GDAP1: variants seen among roughly 807,000 people sequenced by gnomAD.
The protein encoded by GDAP1 is ganglioside induced differentiation associated protein 1.
Under a neutral mutation model 40.1 loss-of-function variants are expected in GDAP1, and 34 were observed. The ratio of observed to expected loss-of-function variants is 0.85; its 90% CI spans 0.64 to 1.13. GDAP1 has a LOEUF of 1.13. Among genes scored for constraint, GDAP1 ranks in the 50% most tolerant of loss-of-function variants. The pLI is 0.00. For synonymous variants in GDAP1, 170 were observed against 157.4 expected (o/e 1.08, Z -0.60); for missense variants, 374 against 433.7 (o/e 0.86, Z 1.22).
At chr8:74,437,934 T>C (rs1024656973) in intron 2 of GDAP1, among the ~76,000 whole-genome samples, 2 of 152,174 alleles carry the variant, frequency 1.3e-5, no homozygotes, top group Admixed American at 1.3e-4. Context: ...ACATGTGCAC[T>C]TGTCCACATG....
At chr8:74,476,820 T>C (rs1009716870) in intron 2 of GDAP1, among the ~76,000 whole-genome samples, 3 of 152,232 alleles carry the variant, frequency 2.0e-5, no homozygotes, top group Non-Finnish European at 2.9e-5. Flanking sequence ...TGAACTTGAA[T>C]ATTTGCCATT....
At chr8:74,394,326 G>A (rs543842690) in intron 2 of GDAP1, among the ~76,000 whole-genome samples, 1 of 152,326 alleles carries the variant, frequency 6.6e-6, no homozygotes, top group Admixed American at 6.5e-5. Flanking sequence ...AATTGTGGGA[G>A]TTAAATTCAA....
chr8:74,397,985 T>C (rs1810239295), intron 2 of GDAP1, among the ~76,000 whole-genome samples: 1 of 151,932 alleles, frequency 6.6e-6, no homozygotes. Context: ...TTCCTACCCA[T>C]GAGCATGGAA....
intron 2 of GDAP1, among the ~76,000 whole-genome samples, chr8:74,376,412 G>A (rs1008123315): frequency 9.4e-5 from 14 of 148,878 alleles, no homozygotes; most frequent in African/African-American, 3.2e-4. Flanking sequence ...GCAGTGGCGC[G>A]ATCTTGGCTG....
intron 2 of GDAP1, among the ~76,000 whole-genome samples, chr8:74,432,970 C>T (rs1252329013): frequency 6.6e-6 from 1 of 152,148 alleles, no homozygotes; most frequent in Non-Finnish European, 1.5e-5. Flanking sequence ...TTTCTGACAT[C>T]ATATCTTATG....
rs1805870608 is a variant in GDAP1, at chr8:74,422,284, CTTTTCTTTCTTTCTTT to C, written c.166-66393_166-66378del. On this transcript the variant is annotated intron_variant, in intron 2 of 2. Transcript: ENST00000523640. ...TTCTTTTTCTTTTCTTTTCTTTTTT[CTTTTCTTTCTTTCTTT>C]CTTTCTTTCTTTCTTTCTTTCTTTC... is the stretch of plus-strand genomic sequence containing the variant. 6.8e-5 allele frequency among the ~76,000 whole-genome samples: 6 copies of C among 88,104 alleles called. 1 individual carries two copies. In the Middle Eastern group the frequency reaches 0.032, roughly 471 times the overall value. The allele number at this position is 88,104 out of a possible 152,430, so 57.8% of individuals were successfully genotyped here. A position where few individuals can be genotyped will look rare whatever the true frequency, so the allele number is the denominator to read the frequency against.
At chr8:74,383,768 G>A (rs1377191784) in intron 2 of GDAP1, among the ~76,000 whole-genome samples, 1 of 152,216 alleles carries the variant, frequency 6.6e-6, no homozygotes, top group East Asian at 1.9e-4. Flanking sequence ...TATCAGGTTT[G>A]GTTTTTAGCT....
chr8:74,397,291 TC>T (rs1810224675), intron 2 of GDAP1, among the ~76,000 whole-genome samples: 1 of 151,908 alleles, frequency 6.6e-6, no homozygotes, highest in African/African-American at 2.4e-5. Context: ...AAAAATTTTC[TC>T]CCATTTTGTA....
intron 2 of GDAP1, among the ~76,000 whole-genome samples, chr8:74,395,603 T>C (rs943395995): frequency 6.6e-6 from 1 of 152,190 alleles, no homozygotes; most frequent in African/African-American, 2.4e-5. Flanking sequence ...TGAGTGACAC[T>C]AGCGCATTGC....
At chr8:74,357,446 A>G (rs1232288196) in intron 2 of GDAP1, among the ~76,000 whole-genome samples, 3 of 152,222 alleles carry the variant, frequency 2.0e-5, no homozygotes, top group Non-Finnish European at 2.9e-5. Flanking sequence ...TTGAGAATGT[A>G]GAGGCCCATT....
chr8:74,398,082 A>T (rs1256486751), intron 2 of GDAP1, among the ~76,000 whole-genome samples: 1 of 151,634 alleles, frequency 6.6e-6, no homozygotes, highest in African/African-American at 2.4e-5. Context: ...GTCCCTTGTA[A>T]GCTGGATTCC....
intron 2 of GDAP1, among the ~76,000 whole-genome samples, chr8:74,472,760 T>TTTTCG (rs1806575398): frequency 7.8e-6 from 1 of 128,654 alleles, no homozygotes; most frequent in African/African-American, 2.8e-5. Context: ...TTTTCTTTTC[T>TTTTCG]TTTTTGAGAG....
At chr8:74,446,040 A>G (rs1806222174) in intron 2 of GDAP1, among the ~76,000 whole-genome samples, 1 of 152,146 alleles carries the variant, frequency 6.6e-6, no homozygotes, top group South Asian at 2.1e-4. Context: ...TTTCAAATAA[A>G]TCTGCCCAAC....
At chr8:74,357,537 T>C (rs76684470) in intron 2 of GDAP1, among the ~76,000 whole-genome samples, 2,368 of 152,346 alleles carry the variant, frequency 0.016, 30 homozygotes, top group Non-Finnish European at 0.022. Context: ...TCCTCTGCTG[T>C]TTATCAAATC....
At chr8:74,460,597 A>T (rs1200935946) in intron 2 of GDAP1, among the ~76,000 whole-genome samples, 1 of 152,198 alleles carries the variant, frequency 6.6e-6, no homozygotes. Context: ...ACTGAACAGC[A>T]GGAACAGAAA....
At chr8:74,397,356 T>C (rs1209912908) in intron 2 of GDAP1, among the ~76,000 whole-genome samples, 5 of 152,276 alleles carry the variant, frequency 3.3e-5, no homozygotes, top group African/African-American at 9.6e-5. Flanking sequence ...AGCTCTTTAG[T>C]TTAATTAGAT....
intron 2 of GDAP1, among the ~76,000 whole-genome samples, chr8:74,479,692 G>T (rs149544249): frequency 5.3e-5 from 8 of 152,248 alleles, no homozygotes; most frequent in Non-Finnish European, 8.8e-5. Context: ...TCGCCTATGT[G>T]TGTAGCCAGC....
intron 2 of GDAP1, among the ~76,000 whole-genome samples, chr8:74,358,702 CCCCAAACATGTT>C (rs775371790): frequency 8.6e-5 from 13 of 151,994 alleles, no homozygotes; most frequent in Non-Finnish European, 1.3e-4. Context: ...TTTGTAGATC[CCCCAAACATGTT>C]TTAGGAAAAC....
At position 74,453,827 on chromosome 8, in the gene GDAP1, C is replaced by T; in HGVS notation, c.166-34851C>T. Among the ~76,000 whole-genome samples, 2 of 81,650 alleles carry T rather than the reference C, an allele frequency of 2.4e-5. 1 individual carries two copies. The highest frequency in any genetic ancestry group is 4.9e-5 in the Non-Finnish European group (2 of 40,638). 53.6% of individuals were successfully genotyped at this position (81,650 alleles called of 152,430 possible). A position where few individuals can be genotyped will look rare whatever the true frequency, so the allele number is the denominator to read the frequency against. On this transcript the variant is annotated intron_variant, in intron 2 of 2. Coordinates refer to the GDAP1 transcript ENST00000523640. ...CTTGAAGAAGCCCCGTGCCCAGTAA[C>T]AACTTTACCCCTGCAGCTCAACTAA...
Sources: gnomAD v4.1 joint callset for allele counts (sites outside exome capture counted in the v4.1 genomes callset) on GRCh38, gnomAD v4.1.1 for gene constraint, MANE v1.5 for transcripts, NCBI Gene and HGNC (gene_info 2026-07-23, HGNC 2026-07-21) for gene names.